The following RAPGEF6 variants were observed in gnomAD, a reference collection of about 807,000 sequenced individuals.
The protein encoded by RAPGEF6 is Rap guanine nucleotide exchange factor 6.
Under a neutral mutation model 171.4 loss-of-function variants are expected in RAPGEF6, and 56 were observed. The observed-to-expected ratio is 0.33, with a 90% CI of 0.26 to 0.41. RAPGEF6 has a LOEUF of 0.41. Among genes scored for constraint, RAPGEF6 ranks in the 10% least tolerant of loss-of-function variants. RAPGEF6 has a pLI of 1.00. For missense variants in RAPGEF6, 1,674 were observed against 1,921.4 expected, an observed-to-expected ratio of 0.87 and a Z score of 2.41; for synonymous variants, 692 against 650.1, an observed-to-expected ratio of 1.06 and a Z score of -0.98.
At chr5:131,436,038 G>A in intron 24 of RAPGEF6, 3 of 1,536,936 alleles carry the variant, frequency 2.0e-6, no homozygotes, top group Non-Finnish European at 1.7e-6. Context: ...AATTGAAGAT[G>A]GCACTCCCTT....
chr5:131,622,286 G>A (rs1765638020), intron 1 of RAPGEF6, among the ~76,000 whole-genome samples: 2 of 152,212 alleles, frequency 1.3e-5, no homozygotes, highest in Non-Finnish European at 2.9e-5. Context: ...TTGATTCTGA[G>A]AGATTGAGGA....
chr5:131,505,535 A>G lies in RAPGEF6; in HGVS notation c.943-13T>C. On this transcript the variant is annotated splice_polypyrimidine_tract_variant and intron_variant, in intron 9 of 27. Coordinates refer to ENST00000509018, the MANE Select transcript of RAPGEF6 (RefSeq NM_016340.6). ...ACCATGAGTCAAGCTATAGAGAAAA[A>G]CAAAGGTTTTATGAATCTTTTTAAA... 1.2e-6 allele frequency: 2 copies of G among 1,604,496 alleles called. No individual in the cohort carries two copies. Among genetic ancestry groups the G allele is most frequent in the Non-Finnish European group, 1.7e-6 (2 of 1,175,248 alleles).
intron 17 of RAPGEF6, among the ~76,000 whole-genome samples, chr5:131,469,301 T>A (rs1754586783): frequency 6.6e-6 from 1 of 152,192 alleles, no homozygotes; most frequent in African/African-American, 2.4e-5. Flanking sequence ...TTATATTCTA[T>A]CTTATTCTGG....
intron 4 of RAPGEF6, among the ~76,000 whole-genome samples, chr5:131,576,651 C>G (rs888057478): frequency 3.9e-5 from 6 of 152,234 alleles, no homozygotes; most frequent in Admixed American, 3.3e-4. Context: ...ATTCTCACAT[C>G]TGTCCCTCAC....
intron 7 of RAPGEF6, 134 bp from the exon 8 acceptor site, chr5:131,510,625 C>T: frequency 2.7e-6 from 2 of 729,500 alleles, no homozygotes; most frequent in Non-Finnish European, 4.3e-6. Context: ...ATCAAGAATA[C>T]AATAAAATGA....
chr5:131,549,367 G>A lies in RAPGEF6; in HGVS notation c.352-1177C>T, dbSNP rs115279086. On this transcript the variant is annotated intron_variant, in intron 5 of 27. Coordinates refer to ENST00000509018, the MANE Select transcript of RAPGEF6 (RefSeq NM_016340.6). The stretch of plus-strand genomic sequence containing the variant: ...TCCTAGGCACCCACCCAAACACAGT[G>A]GTGCCCCCTTATCTGAGGGGGATAC... 3.3e-3 allele frequency among the ~76,000 whole-genome samples: 502 copies of A among 152,052 alleles called. 2 individuals are homozygous for A. The highest frequency in any genetic ancestry group is 0.012 in the African/African-American group (481 of 41,484).
chr5:131,431,711 A>T (rs1184492590), intron 25 of RAPGEF6, among the ~76,000 whole-genome samples: 2 of 151,690 alleles, frequency 1.3e-5, no homozygotes, highest in African/African-American at 2.4e-5. Context: ...TGCAGCTTTT[A>T]ACTCCTGGGC....
chr5:131,432,180 CTA>C (rs1221989314), intron 25 of RAPGEF6, among the ~76,000 whole-genome samples: 1 of 152,086 alleles, frequency 6.6e-6, no homozygotes, highest in Admixed American at 6.5e-5. Context: ...GTGACAGAGA[CTA>C]TATGTAGATT....
At chr5:131,565,535 T>C (rs576745578) in intron 4 of RAPGEF6, among the ~76,000 whole-genome samples, 42 of 152,226 alleles carry the variant, frequency 2.8e-4, no homozygotes, top group African/African-American at 1.0e-3. Flanking sequence ...GAGCCTAAAA[T>C]AGCTAAAACA....
chr5:131,520,250 G>A (rs1311057953), intron 7 of RAPGEF6, among the ~76,000 whole-genome samples: 1 of 152,074 alleles, frequency 6.6e-6, no homozygotes, highest in East Asian at 1.9e-4. Flanking sequence ...TTAGTATATG[G>A]TAGCCACTAG....
At chr5:131,454,676 A>C (rs1753354982) in intron 20 of RAPGEF6, among the ~76,000 whole-genome samples, 1 of 152,186 alleles carries the variant, frequency 6.6e-6, no homozygotes, top group South Asian at 2.1e-4. Flanking sequence ...TAAAAGATAA[A>C]ATTACTGAGA....
rs1759893613 is a variant in RAPGEF6 at position 131,538,104 on chromosome 5, A to G, written c.495+9943T>C. On this transcript the variant is annotated intron_variant, in intron 6 of 27. Transcript: ENST00000509018. The stretch of plus-strand genomic sequence containing the variant: ...GACCGTCTCAAATAAAACCTAAAAA[A>G]CCAAAAACAAAAAACCACTACAACA... 2.6e-5 allele frequency among the ~76,000 whole-genome samples: 4 copies of G among 152,222 alleles called. No individual in the cohort carries two copies. In the South Asian group the frequency reaches 8.3e-4, roughly 32 times the overall value.
At chr5:131,481,180 C>G (rs1454428491) in intron 15 of RAPGEF6, among the ~76,000 whole-genome samples, 1 of 151,962 alleles carries the variant, frequency 6.6e-6, no homozygotes, top group Non-Finnish European at 1.5e-5. Context: ...CTGCCTCGGC[C>G]TCCCAAAGTG....
At chr5:131,492,446 G>T in intron 14 of RAPGEF6, 136 bp downstream of exon 14, 1 of 774,240 alleles carries the variant, frequency 1.3e-6, no homozygotes. Flanking sequence ...TAAACCATAT[G>T]CAGATACTAC....
chr5:131,630,701 T>C (rs550780760), intron 1 of RAPGEF6, among the ~76,000 whole-genome samples: 94 of 152,306 alleles, frequency 6.2e-4, no homozygotes, highest in Non-Finnish European at 1.0e-3. Flanking sequence ...GATGTCTGGC[T>C]CACTAGGATT....
At chr5:131,521,897 TC>T in intron 6 of RAPGEF6, among the ~76,000 whole-genome samples, 1 of 121,788 alleles carries the variant, frequency 8.2e-6, no homozygotes, top group Non-Finnish European at 1.9e-5. Flanking sequence ...ACACACTCTC[TC>T]TCTCTCTCAC....
intron 6 of RAPGEF6, among the ~76,000 whole-genome samples, chr5:131,528,116 T>C (rs1387132617): frequency 2.4e-5 from 3 of 125,506 alleles, no homozygotes; most frequent in Admixed American, 9.9e-5. Flanking sequence ...TTATATATCA[T>C]ATAAAATATA....
At chr5:131,607,190 C>A (rs1484406940) in intron 1 of RAPGEF6, among the ~76,000 whole-genome samples, 1 of 152,176 alleles carries the variant, frequency 6.6e-6, no homozygotes, top group African/African-American at 2.4e-5. Context: ...TTCCCCAGAA[C>A]AAGACAGTAA....
chr5:131,633,613 C>G (rs768381013), intron 1 of RAPGEF6, among the ~76,000 whole-genome samples: 1 of 151,772 alleles, frequency 6.6e-6, no homozygotes, highest in African/African-American at 2.4e-5. Flanking sequence ...TGCCTGTAAT[C>G]CCAGCTACTC....
Sources: gnomAD v4.1 joint callset for allele counts (sites outside exome capture counted in the v4.1 genomes callset) on GRCh38, gnomAD v4.1.1 for gene constraint, MANE v1.5 for transcripts, NCBI Gene and HGNC (gene_info 2026-07-23, HGNC 2026-07-21) for gene names.